Variants in TYW1B observed in about 807,000 individuals in gnomAD.
The protein encoded by TYW1B is S-adenosyl-L-methionine-dependent tRNA 4-demethylwyosine synthase TYW1B.
TYW1B carries 73 observed loss-of-function variants against 86.9 expected under a neutral mutation model. That is an observed-to-expected ratio of 0.84 (90% CI 0.70 to 1.02). The LOEUF (loss-of-function observed/expected upper bound fraction) is 1.02, where lower values mean the gene tolerates loss of function less well. TYW1B is among the 50% of genes least tolerant of loss of function. The pLI is 0.00. For synonymous variants in TYW1B, 248 were observed against 292.8 expected, an observed-to-expected ratio of 0.85 and a Z score of 1.56; for missense variants, 637 against 827.4, an observed-to-expected ratio of 0.77 and a Z score of 2.82.
At chr7:72,802,553 T>C (rs553439733) in intron 5 of TYW1B, 31 bp from the exon 6 acceptor site, 2 of 1,611,284 alleles carry the variant, frequency 1.2e-6, no homozygotes, top group East Asian at 2.2e-5. Context: ...AAATACATTG[T>C]TCAAAGGGGC....
chr7:72,687,188 A>T (rs1585903211), intron 11 of TYW1B, among the ~76,000 whole-genome samples: 1 of 152,082 alleles, frequency 6.6e-6, no homozygotes, highest in Admixed American at 6.6e-5. Flanking sequence ...GTAATCCCAG[A>T]ACTTTGGGAG....
intron 11 of TYW1B, among the ~76,000 whole-genome samples, chr7:72,678,737 TC>T (rs1554447887): frequency 2.0e-5 from 3 of 151,468 alleles, no homozygotes; most frequent in Non-Finnish European, 2.9e-5. Context: ...AGACGGGGTT[TC>T]ACCATGTTGG....
At chr7:72,677,731 C>T (rs1190441680) in intron 11 of TYW1B, among the ~76,000 whole-genome samples, 8 of 151,988 alleles carry the variant, frequency 5.3e-5, no homozygotes, top group Non-Finnish European at 1.2e-4. Context: ...GAGATGAAGT[C>T]TTGCTCTATC....
intron 7 of TYW1B, among the ~76,000 whole-genome samples, chr7:72,770,560 A>C (rs1266035525): frequency 7.2e-5 from 11 of 152,328 alleles, no homozygotes; most frequent in Non-Finnish European, 1.3e-4. Flanking sequence ...AAACTTTCAT[A>C]AATTGCTGAG....
intron 11 of TYW1B, among the ~76,000 whole-genome samples, chr7:72,674,584 C>T (rs1340186468): frequency 1.3e-5 from 2 of 152,040 alleles, no homozygotes; most frequent in African/African-American, 4.8e-5. Flanking sequence ...CCAAGTCACC[C>T]AACCACGCCT....
At chr7:72,806,948 C>CA in intron 5 of TYW1B, 118 bp downstream of exon 5, 1 of 1,398,844 alleles carries the variant, frequency 7.1e-7, no homozygotes, top group Non-Finnish European at 9.6e-7. Flanking sequence ...CCACTGCACT[C>CA]AGCCAGATCT....
chr7:72,753,283 C>T (rs1238288073), intron 7 of TYW1B, among the ~76,000 whole-genome samples: 1 of 151,564 alleles, frequency 6.6e-6, no homozygotes, highest in African/African-American at 2.4e-5. Flanking sequence ...GACAAACATT[C>T]GCTTAATGGT....
chr7:72,792,698 G>C (rs1241698609), intron 6 of TYW1B, among the ~76,000 whole-genome samples: 1 of 152,134 alleles, frequency 6.6e-6, no homozygotes, highest in African/African-American at 2.4e-5. Flanking sequence ...ACCAAAATGA[G>C]AAAACACCTG....
rs1285677171 is a variant in TYW1B, at chr7:72,604,480, T to A, written c.1785+12192A>T. ...CTGTCTCAAAAAATAAAAAAATTTTTAAAAATTTTACAGGAAGAATGAAGT... is the reference window on the plus strand; with the variant it reads ...CTGTCTCAAAAAATAAAAAAATTTTAAAAAATTTTACAGGAAGAATGAAGT... On this transcript the variant is annotated intron_variant, in intron 13 of 13. Transcript: ENST00000620995. 2.0e-4 allele frequency among the ~76,000 whole-genome samples: 30 copies of A among 151,884 alleles called. 1 individual carries two copies. Among genetic ancestry groups the A allele is most frequent in the Admixed American group, 1.7e-3 (26 of 15,236 alleles).
chr7:72,766,532 T>C (rs1787772243), intron 7 of TYW1B, among the ~76,000 whole-genome samples: 1 of 143,384 alleles, frequency 7.0e-6, no homozygotes. Flanking sequence ...GAGAATCACT[T>C]GAACCCAGAA....
At position 72,826,876 on chromosome 7, in the gene TYW1B, G is replaced by T. The variant is rs1554481502; in HGVS notation, c.114C>A (p.Val38=). ...TTACCTGCATCTCGATGACAATCTG[G>T]ACACAAATCCAAAGGCTAATGCTAA... ...FAVSISLWIC[V]QIVIEMQGFA... is the part of the protein sequence containing the mutation. The change falls in exon 2 of 14, where the codon GTC becomes GTA. Residue 38 remains valine, a synonymous_variant. Transcript: ENST00000620995. The T allele has an allele frequency of 1.9e-6, 3 of 1,612,566 alleles. No homozygotes were observed. Among genetic ancestry groups the T allele is most frequent in the Non-Finnish European group, 2.5e-6 (3 of 1,179,720 alleles).
chr7:72,681,889 G>GT (rs1183345309), intron 11 of TYW1B, among the ~76,000 whole-genome samples: 1 of 149,874 alleles, frequency 6.7e-6, no homozygotes. Context: ...CCGGCCGTCT[G>GT]TTTTTTTAGA....
intron 11 of TYW1B, among the ~76,000 whole-genome samples, chr7:72,638,678 G>C (rs1301921738): frequency 6.6e-6 from 1 of 152,118 alleles, no homozygotes; most frequent in Non-Finnish European, 1.5e-5. Flanking sequence ...GACAAGACAG[G>C]GGAATACAAA....
chr7:72,632,365 ACGC>A (rs1812531182), intron 11 of TYW1B, among the ~76,000 whole-genome samples: 1 of 107,584 alleles, frequency 9.3e-6, no homozygotes, highest in Admixed American at 1.1e-4. Flanking sequence ...TTATATATAT[ACGC>A]ATATATATTA....
At chr7:72,701,448 G>T (rs1466875466) in intron 10 of TYW1B, among the ~76,000 whole-genome samples, 3 of 152,000 alleles carry the variant, frequency 2.0e-5, no homozygotes, top group African/African-American at 7.2e-5. Context: ...ATTTTTTGTA[G>T]AGACAGGGTC....
intron 7 of TYW1B, among the ~76,000 whole-genome samples, chr7:72,771,836 A>G (rs1787873652): frequency 6.6e-6 from 1 of 152,012 alleles, no homozygotes; most frequent in African/African-American, 2.4e-5. Context: ...GACTCAAAAT[A>G]CATAAAGAAA....
chr7:72,582,361 T>A (rs1181517708), intron 13 of TYW1B, among the ~76,000 whole-genome samples: 9 of 152,150 alleles, frequency 5.9e-5, no homozygotes, highest in African/African-American at 2.2e-4. Flanking sequence ...CACAGAGGAT[T>A]AGGAATCTGA....
rs531346438 is a variant in TYW1B, at chr7:72,625,881, G to A, written c.1617+3006C>T. On this transcript the variant is annotated intron_variant, in intron 12 of 13. Coordinates refer to ENST00000620995, the MANE Select transcript of TYW1B (RefSeq NM_001145440.3). ...CATGACTGCGAAAGTAAGAAAGGAGGGGGGAGAGGTGGGGCGGGGGGGGGG... is the reference window on the plus strand; with the variant it reads ...CATGACTGCGAAAGTAAGAAAGGAGAGGGGAGAGGTGGGGCGGGGGGGGGG... Among the ~76,000 whole-genome samples the A allele has an allele frequency of 6.0e-3, 519 of 86,364 alleles. 2 individuals carry two copies. The highest frequency in any genetic ancestry group is 0.017 in the African/African-American group (458 of 26,590). The allele number at this position is 86,364 out of a possible 152,430, so 56.7% of individuals were successfully genotyped here.
intron 9 of TYW1B, chr7:72,722,768 A>T (rs1352144856): frequency 3.0e-6 from 1 of 333,290 alleles, no homozygotes; most frequent in African/African-American, 2.2e-5. Context: ...TCCACCTTTC[A>T]CACAACTGAA....
Sources: allele counts gnomAD v4.1 joint callset (sites outside exome capture counted in the v4.1 genomes callset), GRCh38; gene constraint gnomAD v4.1.1; transcripts MANE v1.5; gene names NCBI Gene and HGNC (gene_info 2026-07-23, HGNC 2026-07-21).